The following PODXL2 variants were observed in gnomAD, a reference collection of about 807,000 sequenced individuals.
PODXL2 encodes the protein podocalyxin like 2.
PODXL2 carries 17 observed loss-of-function variants against 53.4 expected under a neutral mutation model. That is an observed-to-expected ratio of 0.32 (90% confidence interval 0.22 to 0.48). The LOEUF (loss-of-function observed/expected upper bound fraction) is 0.48. PODXL2 is among the 20% of genes least tolerant of loss of function. PODXL2 has a pLI of 0.99. For synonymous variants in PODXL2, 311 were observed against 306.7 expected (o/e 1.01, Z -0.15); for missense variants, 673 against 760.0 (o/e 0.89, Z 1.35).
Position 127,639,280 on chromosome 3 carries a change from G to A in PODXL2, c.106G>A (p.Glu36Lys). The change falls in exon 2 of 8, where the codon GAG (glutamate) becomes AAG (lysine). Residue 36 changes from glutamate (E) to lysine (K), a missense_variant. Glu to Lys is a moderately conservative substitution (Grantham distance 56). This residue lies in a region of PODXL2 where 588 missense variants were observed against 668.3 expected (regional missense o/e 0.88). Transcript: ENST00000342480. The stretch of plus-strand genomic sequence containing the variant: ...GGGTGCCTGTGTGGCTGGGTCTGAT[G>A]AGCCTGGCCCAGAGGGCCTCACCTC... ...FLGACVAGSD[E>K]PGPEGLTSTS... 1.2e-6 allele frequency: 2 copies of A among 1,611,914 alleles called. No homozygotes were observed. Among genetic ancestry groups the A allele is most frequent in the Non-Finnish European group, 8.5e-7 (1 of 1,179,594 alleles).
intron 2 of PODXL2, among the ~76,000 whole-genome samples, chr3:127,655,042 A>G (rs2074713379): frequency 6.6e-6 from 1 of 152,122 alleles, no homozygotes; most frequent in Non-Finnish European, 1.5e-5. Flanking sequence ...TCCCGTGTTC[A>G]AGCGACTCTC....
intron 1 of PODXL2, among the ~76,000 whole-genome samples, chr3:127,634,989 G>A (rs553482905): frequency 1.4e-4 from 22 of 152,220 alleles, no homozygotes; most frequent in South Asian, 8.3e-4. Context: ...TAATGGAGGC[G>A]TCTCTCATGT....
intron 4 of PODXL2, among the ~76,000 whole-genome samples, chr3:127,664,516 C>G (rs1029769308): frequency 6.6e-6 from 1 of 151,792 alleles, no homozygotes; most frequent in African/African-American, 2.4e-5. Context: ...GGGTATATAC[C>G]CAGAAGTGGG....
intron 2 of PODXL2, among the ~76,000 whole-genome samples, chr3:127,644,257 G>A (rs1055482376): frequency 2.0e-5 from 3 of 151,970 alleles, no homozygotes; most frequent in Admixed American, 6.6e-5. Context: ...GATTACAGGC[G>A]TGCCACCATG....
In PODXL2 at chr3:127,660,706, G is replaced by A. The variant is rs1320223821; in HGVS notation, c.678G>A (p.Gly226=). The change falls in exon 3 of 8, where the codon GGG becomes GGA. Residue 226 remains glycine (G), a synonymous_variant. Coordinates refer to ENST00000342480, the MANE Select transcript of PODXL2 (RefSeq NM_015720.4). ...CCAAAAGCAGGCATGAAGACTCCGGGGACCAGGCCTCATCAGGTGTGGAGG... is the reference window on the plus strand; with the variant it reads ...CCAAAAGCAGGCATGAAGACTCCGGAGACCAGGCCTCATCAGGTGTGGAGG... ...GATKSRHEDS[G]DQASSGVEVE... 5.0e-6 allele frequency: 8 copies of A among 1,614,184 alleles called. No individual in the cohort carries two copies. Among genetic ancestry groups the A allele is most frequent in the Non-Finnish European group, 6.8e-6 (8 of 1,180,038 alleles).
At chr3:127,664,111 C>T (rs1037401571) in intron 4 of PODXL2, among the ~76,000 whole-genome samples, 1 of 152,112 alleles carries the variant, frequency 6.6e-6, no homozygotes, top group Non-Finnish European at 1.5e-5. Context: ...ATTTTCAAAG[C>T]TGAAACTCTG....
intron 2 of PODXL2, among the ~76,000 whole-genome samples, chr3:127,641,250 G>A (rs1436112031): frequency 6.6e-6 from 1 of 151,984 alleles, no homozygotes; most frequent in Non-Finnish European, 1.5e-5. Flanking sequence ...TAGAGTTGAG[G>A]TTTTGCTCCA....
chr3:127,672,450 G>T lies in PODXL2; in HGVS notation c.1788G>T (p.Ser596=). Residue 596 remains serine (S), a synonymous_variant, in exon 8 of 8, where the codon TCG becomes TCT. Transcript: ENST00000342480. The part of the protein sequence containing the change: ...LMGGKRDPED[S]DVFEEDTHL Reference sequence around the variant, plus strand: ...GGGGCAAGCGGGACCCCGAGGACTCGGACGTGTTCGAGGAGGACACGCACC... The same window carrying T: ...GGGGCAAGCGGGACCCCGAGGACTCTGACGTGTTCGAGGAGGACACGCACC... The T allele has an allele frequency of 6.5e-7, 1 of 1,535,242 alleles. No homozygotes were observed. The highest frequency in any genetic ancestry group is 8.7e-7 in the Non-Finnish European group (1 of 1,143,242).
At chr3:127,652,474 G>T (rs1287131468) in intron 2 of PODXL2, among the ~76,000 whole-genome samples, 1 of 152,144 alleles carries the variant, frequency 6.6e-6, no homozygotes, top group Non-Finnish European at 1.5e-5. Flanking sequence ...CAACGAGGGG[G>T]TCTGCCCCAG....
intron 2 of PODXL2, among the ~76,000 whole-genome samples, chr3:127,645,578 G>A (rs764561935): frequency 3.3e-5 from 5 of 152,222 alleles, no homozygotes; most frequent in Non-Finnish European, 7.3e-5. Flanking sequence ...ACCAGGCCAT[G>A]GGCTGGGTGG....
chr3:127,661,018 CT>C lies in PODXL2; in HGVS notation c.991del (p.Ser331GlnfsTer13). On this transcript the variant is annotated frameshift_variant, in exon 3 of 8. Coordinates refer to ENST00000342480, the MANE Select transcript of PODXL2 (RefSeq NM_015720.4). LOFTEE classifies it high-confidence loss of function. ...ATGAAGATCCCCTTGGCTCTAGAACCTCAGCCTCTTCCCCACTGGCCCCTGG... is the reference window on the plus strand; with the variant it reads ...ATGAAGATCCCCTTGGCTCTAGAACCCAGCCTCTTCCCCACTGGCCCCTGG... The part of the protein sequence containing the change: ...PDEDPLGSRT[S>X]ASSPLAPGDM... 1 of 1,614,226 alleles carries C rather than the reference CT, an allele frequency of 6.2e-7. No homozygotes were observed. The highest frequency in any genetic ancestry group is 8.5e-7 in the Non-Finnish European group (1 of 1,180,036).
At chr3:127,641,592 C>T (rs2074620829) in intron 2 of PODXL2, among the ~76,000 whole-genome samples, 1 of 152,008 alleles carries the variant, frequency 6.6e-6, no homozygotes, top group African/African-American at 2.4e-5. Context: ...TGGCTCACCA[C>T]AACCTCCGCC....
chr3:127,668,156 C>T (rs1488640849), intron 4 of PODXL2, among the ~76,000 whole-genome samples: 10 of 152,056 alleles, frequency 6.6e-5, no homozygotes, highest in African/African-American at 4.8e-5. Context: ...CCAGCCCCCG[C>T]CCCGCTCAAC....
chr3:127,654,790 T>C (rs2074711371), intron 2 of PODXL2, among the ~76,000 whole-genome samples: 1 of 152,142 alleles, frequency 6.6e-6, no homozygotes, highest in Admixed American at 6.5e-5. Context: ...TTAATAATAA[T>C]AATGGCAGGC....
Position 127,671,558 on chromosome 3 carries a change from C to T in PODXL2, c.1550C>T (p.Ala517Val), listed in dbSNP as rs767710746. 15 of 1,613,986 alleles carry T rather than the reference C, an allele frequency of 9.3e-6. No individual in the cohort carries two copies. Among genetic ancestry groups the T allele is most frequent in the East Asian group, 2.2e-5 (1 of 44,900 alleles). ...GGGGCCATCTGCATCATCATCATTGCGCTTGGCCTGCTCTACAACTGCTGG... is the reference window on the plus strand; with the variant it reads ...GGGGCCATCTGCATCATCATCATTGTGCTTGGCCTGCTCTACAACTGCTGG... ...VIGAICIIII[A>V]LGLLYNCWQR... The change falls in exon 7 of 8, where the codon GCG becomes GTG. Residue 517 changes from alanine to valine, a missense_variant. Physicochemically the swap from Ala to Val is moderately conservative, Grantham distance 64. Around this residue, in one of 3 missense-constraint regions of PODXL2, gnomAD observed 588 missense variants for 668.3 expected, o/e 0.88. Transcript: ENST00000342480.
At chr3:127,662,101 G>C (rs546546803) in intron 3 of PODXL2, 136 bp from the exon 4 acceptor site, 12 of 673,676 alleles carry the variant, frequency 1.8e-5, no homozygotes, top group Non-Finnish European at 3.2e-5. Flanking sequence ...GAGGCTGTCA[G>C]CAGCCCCCTC....
chr3:127,629,947 G>T lies in PODXL2; in HGVS notation c.70+658G>T, dbSNP rs1339776317. Among the ~76,000 whole-genome samples the T allele has an allele frequency of 6.6e-6, 1 of 152,160 alleles. No homozygotes were observed. The highest frequency in any genetic ancestry group is 2.4e-5 in the African/African-American group (1 of 41,422). On this transcript the variant is annotated intron_variant, in intron 1 of 7. Transcript: ENST00000342480. The surrounding 1 kb of genome is among the most constrained non-coding windows in gnomAD (Gnocchi z 6.4). ...CCCACGCAGCTCACACACGAGGGAG[G>T]TGTGAGACTCAGATGTGTGGTTTCC...
chr3:127,668,390 G>A, intron 4 of PODXL2, 51 bp from the exon 5 acceptor site: 1 of 1,436,448 alleles, frequency 7.0e-7, no homozygotes, highest in Non-Finnish European at 9.2e-7. Context: ...AGAGGGCTCA[G>A]TAGAGCCCCT....
chr3:127,669,065 G>A (rs2107546044), intron 5 of PODXL2, 76 bp from the exon 6 acceptor site: 2 of 926,240 alleles, frequency 2.2e-6, no homozygotes, highest in Non-Finnish European at 3.3e-6. Flanking sequence ...AGCTGTTGGA[G>A]AGCGGGGCCA....
Sources: allele counts gnomAD v4.1 joint callset (sites outside exome capture counted in the v4.1 genomes callset), GRCh38; gene constraint gnomAD v4.1.1; regional missense constraint gnomAD v4.1.1; non-coding constraint Gnocchi (gnomAD v3.1); transcripts MANE v1.5; gene names NCBI Gene and HGNC (gene_info 2026-07-23, HGNC 2026-07-21).